CD5: variants seen among roughly 807,000 people sequenced by gnomAD.
The protein encoded by CD5 is T-cell surface glycoprotein CD5.
CD5 carries 36 observed loss-of-function variants against 60.3 expected under a neutral mutation model. That is an observed-to-expected ratio of 0.60 (90% CI 0.46 to 0.79). CD5 has a LOEUF of 0.79. Among genes scored for constraint, CD5 ranks in the 30% least tolerant of loss-of-function variants. The pLI is 0.00. For synonymous variants in CD5, 230 were observed against 257.6 expected, an observed-to-expected ratio of 0.89 and a Z score of 1.03; for missense variants, 540 against 630.6, an observed-to-expected ratio of 0.86 and a Z score of 1.54.
chr11:61,115,871 A>G (rs1860932044), intron 2 of CD5, among the ~76,000 whole-genome samples: 1 of 152,342 alleles, frequency 6.6e-6, no homozygotes, highest in East Asian at 1.9e-4. Flanking sequence ...CCTAGCTCCA[A>G]GCTTTGGCAC....
chr11:61,112,879 C>T (rs1860878391), intron 1 of CD5, among the ~76,000 whole-genome samples: 1 of 152,240 alleles, frequency 6.6e-6, no homozygotes, highest in African/African-American at 2.4e-5. Context: ...CTGTGGAGCA[C>T]ATCACCCCTT....
upstream of CD5, among the ~76,000 whole-genome samples, chr11:61,099,154 A>C (rs141494101): frequency 3.7e-3 from 560 of 152,370 alleles, 2 homozygotes; most frequent in Middle Eastern, 0.014. Context: ...CAGACCCTCT[A>C]AGAGCAACAG....
intron 4 of CD5, 106 bp from the exon 5 acceptor site, chr11:61,119,114 CACCTCCCAAGGCTA>C (rs1265745064): frequency 1.7e-6 from 2 of 1,180,788 alleles, no homozygotes; most frequent in African/African-American, 3.1e-5. Flanking sequence ...GGGACCCCAT[CACCTCCCAAGGCTA>C]AGCGTTAGTC....
chr11:61,122,495 A>G (rs898023522), intron 6 of CD5, among the ~76,000 whole-genome samples: 1 of 150,346 alleles, frequency 6.7e-6, no homozygotes, highest in Non-Finnish European at 1.5e-5. Flanking sequence ...GAGTGGATGG[A>G]TGGATGGATG....
upstream of CD5, among the ~76,000 whole-genome samples, chr11:61,099,654 T>A (rs1227034886): frequency 2.2e-5 from 3 of 137,056 alleles, no homozygotes; most frequent in African/African-American, 8.7e-5. Context: ...AACATGGAGA[T>A]CACAAACACA....
intron 1 of CD5, among the ~76,000 whole-genome samples, chr11:61,110,468 A>G (rs533806935): frequency 3.3e-5 from 5 of 152,234 alleles, no homozygotes; most frequent in Admixed American, 1.3e-4. Context: ...TGCCAAGGTC[A>G]CACAGCACTT....
In CD5 at chr11:61,122,935, C is replaced by T. The variant is rs1466871196; in HGVS notation, c.1128C>T (p.Ala376=). 5.0e-6 allele frequency: 8 copies of T among 1,613,904 alleles called. No individual in the cohort carries two copies. In the East Asian group the frequency reaches 8.9e-5, roughly 18 times the overall value. ...AGGATCCAAACCCCGCAGGCCTGGC[C>T]GCAGGCACGGTGGCAAGCATCATCC... ...TCQDPNPAGL[A]AGTVASIILA... Residue 376 remains alanine, a synonymous_variant, in exon 7 of 11, where the codon GCC becomes GCT. Coordinates refer to ENST00000347785, the MANE Select transcript of CD5 (RefSeq NM_014207.4).
rs149268422 is a variant in CD5, at chr11:61,118,277, G to A, written c.197G>A (p.Arg66Gln). The A allele has an allele frequency of 5.0e-6, 8 of 1,614,144 alleles. No individual in the cohort carries two copies. The highest frequency in any genetic ancestry group is 2.2e-5 in the South Asian group (2 of 91,090). ...ATGGTTTGCAGCCAGAGCTGGGGCC[G>A]GAGCTCCAAGCAGTGGGAGGACCCC... is the stretch of plus-strand genomic sequence containing the variant. ...WHMVCSQSWG[R>Q]SSKQWEDPSQ... Residue 66 changes from arginine (R) to glutamine (Q), a missense_variant, in exon 3 of 11, where the codon CGG becomes CAG. Physicochemically the swap from Arg to Gln is conservative, Grantham distance 43. Transcript: ENST00000347785. This position sits in a 1 kb window ranked among gnomAD's most constrained non-coding sequence, Gnocchi z 4.7.
At chr11:61,115,312 T>C (rs558865574) in intron 2 of CD5, among the ~76,000 whole-genome samples, 1 of 152,186 alleles carries the variant, frequency 6.6e-6, no homozygotes, top group African/African-American at 2.4e-5. Flanking sequence ...CAGCCGTAAA[T>C]CACCCACAAA....
upstream of CD5, among the ~76,000 whole-genome samples, chr11:61,099,022 A>G (rs917651812): frequency 3.9e-5 from 6 of 152,172 alleles, no homozygotes; most frequent in South Asian, 2.1e-4. Flanking sequence ...ATCTGGGAGC[A>G]CAAAGGATGT....
Position 61,125,052 on chromosome 11 carries a change from AC to A in CD5, c.1301del (p.Thr434ArgfsTer182). ...NQNMSFHRNHTATVRSHAENP... is the reference protein window; with the variant it reads ...NQNMSFHRNHXATVRSHAENP... ...CCCAGTGTCTTTCCATCGCAACCAC[AC>A]GGCAACCGTCCGATCCCATGCTGAG... On this transcript the variant is annotated frameshift_variant, in exon 9 of 11. Coordinates refer to ENST00000347785, the MANE Select transcript of CD5 (RefSeq NM_014207.4). LOFTEE classifies it high-confidence loss of function. 6.2e-7 allele frequency: 1 copy of A among 1,614,058 alleles called. No individual in the cohort carries two copies.
In CD5 at chr11:61,115,090, C is replaced by G; in HGVS notation, c.90C>G (p.Asp30Glu). Reference sequence around the variant, plus strand: ...GCCTCGGACGGCTCAGCTGGTATGACCCAGGTAAGGAAGAGCCACATGGAG... The same window carrying G: ...GCCTCGGACGGCTCAGCTGGTATGAGCCAGGTAAGGAAGAGCCACATGGAG... ...ASCLGRLSWYDPDFQARLTRS... is the reference protein window; with the variant it reads ...ASCLGRLSWYEPDFQARLTRS... The change falls in exon 2 of 11, where the codon GAC becomes GAG. Residue 30 changes from aspartate (D) to glutamate (E), a missense_variant. Transcript: ENST00000347785. 6.4e-7 allele frequency: 1 copy of G among 1,557,338 alleles called. No individual in the cohort carries two copies. The highest frequency in any genetic ancestry group is 8.7e-7 in the Non-Finnish European group (1 of 1,149,822).
At chr11:61,095,915 T>C in the CD5 span, among the ~76,000 whole-genome samples, 1 of 152,214 alleles carries the variant, frequency 6.6e-6, no homozygotes. Context: ...GCACGGAATA[T>C]ATCAGGAGAA....
intron 9 of CD5, among the ~76,000 whole-genome samples, chr11:61,125,520 G>T (rs1303556076): frequency 1.3e-5 from 2 of 152,186 alleles, no homozygotes; most frequent in African/African-American, 4.8e-5. Flanking sequence ...GTGGGCTGCA[G>T]GAGCGCTGTA....
Position 61,118,527 on chromosome 11 carries a change from C to T in CD5, c.400+47C>T, listed in dbSNP as rs751937782. On this transcript the variant is annotated intron_variant, in intron 3 of 10. Transcript: ENST00000347785. The surrounding 1 kb of genome is among the most constrained non-coding windows in gnomAD (Gnocchi z 4.7). ...CGGGCACCCTGGGCCTGGGCGCCAG[C>T]CCCGAGGAGACTGCCCGAGGCCTGT... 20 of 1,577,428 alleles carry T rather than the reference C, an allele frequency of 1.3e-5. No individual in the cohort carries two copies. The South Asian group carries it at 1.8e-4, about 14-fold the overall frequency.
At chr11:61,098,455 G>A (rs1860611148), upstream of CD5, among the ~76,000 whole-genome samples, 1 of 151,986 alleles carries the variant, frequency 6.6e-6, no homozygotes, top group Non-Finnish European at 1.5e-5. Flanking sequence ...GAAAGAAGAA[G>A]TAAAAACTAA....
chr11:61,121,563 G>T (rs1367792069), intron 5 of CD5, 48 bp from the exon 6 acceptor site: 5 of 1,389,496 alleles, frequency 3.6e-6, no homozygotes, highest in Non-Finnish European at 4.7e-6. Context: ...CAGCACACAG[G>T]CTCAGGTTCA....
Position 61,125,768 on chromosome 11 carries a change from C to T in CD5, c.1417C>T (p.His473Tyr), listed in dbSNP as rs1370030614. 4 of 1,612,136 alleles carry T rather than the reference C, an allele frequency of 2.5e-6. No homozygotes were observed. The highest frequency in any genetic ancestry group is 1.7e-5 in the Admixed American group (1 of 59,918). Residue 473 changes from histidine to tyrosine, a missense_variant, in exon 10 of 11, where the codon CAT becomes TAT. Physicochemically the swap from His to Tyr is moderately conservative, Grantham distance 83. Coordinates refer to ENST00000347785, the MANE Select transcript of CD5 (RefSeq NM_014207.4). ...SAYPALEGAL[H>Y]RSSMQPDNSS... Reference sequence around the variant, plus strand: ...TTCCCCAGCTCTGGAAGGGGCTCTGCATCGCTCCTCCATGCAGCCTGACAA... The same window carrying T: ...TTCCCCAGCTCTGGAAGGGGCTCTGTATCGCTCCTCCATGCAGCCTGACAA...
At chr11:61,105,804 A>G (rs1463132755) in intron 1 of CD5, among the ~76,000 whole-genome samples, 1 of 152,192 alleles carries the variant, frequency 6.6e-6, no homozygotes, top group African/African-American at 2.4e-5. Context: ...ATCAGCTAAC[A>G]GGAGAGCTGT....
Sources: gnomAD v4.1 joint callset for allele counts (sites outside exome capture counted in the v4.1 genomes callset) on GRCh38, gnomAD v4.1.1 for gene constraint, Gnocchi (gnomAD v3.1) non-coding constraint, MANE v1.5 for transcripts, NCBI Gene and HGNC (gene_info 2026-07-23, HGNC 2026-07-21) for gene names.